Variants in SLC44A1 observed in about 807,000 individuals in gnomAD.
SLC44A1 encodes the protein solute carrier family 44 member 1, also known as choline transporter-like protein 1.
Under a neutral mutation model 79.3 loss-of-function variants are expected in SLC44A1, and 26 were observed. The observed-to-expected ratio is 0.33, with a 90% confidence interval of 0.24 to 0.46. SLC44A1 has a LOEUF of 0.46. Among genes scored for constraint, SLC44A1 ranks in the 20% least tolerant of loss-of-function variants. SLC44A1 has a pLI of 1.00. For missense variants in SLC44A1, 688 were observed against 798.1 expected, an observed-to-expected ratio of 0.86 and a Z score of 1.66; for synonymous variants, 263 against 286.2, an observed-to-expected ratio of 0.92 and a Z score of 0.82.
intron 3 of SLC44A1, among the ~76,000 whole-genome samples, chr9:105,325,775 C>T (rs530830455): frequency 6.6e-6 from 1 of 152,118 alleles, no homozygotes; most frequent in African/African-American, 2.4e-5. Flanking sequence ...AGGAGTAATT[C>T]TAATGGATAG....
intron 15 of SLC44A1, among the ~76,000 whole-genome samples, chr9:105,403,632 A>C (rs724069): frequency 6.9e-6 from 1 of 145,726 alleles, no homozygotes; most frequent in Non-Finnish European, 1.5e-5. Context: ...GAGTAAGCAG[A>C]TGATTGTAAT....
intron 12 of SLC44A1, among the ~76,000 whole-genome samples, chr9:105,372,912 T>C (rs1006000864): frequency 6.2e-5 from 9 of 145,208 alleles, no homozygotes; most frequent in Non-Finnish European, 1.0e-4. Flanking sequence ...ATCCCGCCAC[T>C]GCACTCCAGC....
chr9:105,394,347 G>T lies in SLC44A1; in HGVS notation c.*5291G>T, dbSNP rs1245494819. On this transcript the variant is annotated 3_prime_UTR_variant, in exon 16 of 16. Coordinates refer to ENST00000374720, the MANE Select transcript of SLC44A1 (RefSeq NM_080546.5). ...GAATAGAAACCACACTAATCTGAAG[G>T]AATAACAAGATGATCAACACTGAAT... 3.0e-6 allele frequency: 3 copies of T among 984,984 alleles called. No individual in the cohort carries two copies. The highest frequency in any genetic ancestry group is 3.6e-6 in the Non-Finnish European group (3 of 829,920). The allele number at this position is 984,984 out of a possible 1,614,324, so 61.0% of individuals were successfully genotyped here.
In SLC44A1 at chr9:105,391,159, A is replaced by T; in HGVS notation, c.*2103A>T. 1 of 985,742 alleles carries T rather than the reference A, an allele frequency of 1.0e-6. No individual in the cohort carries two copies. The highest frequency in any genetic ancestry group is 1.2e-6 in the Non-Finnish European group (1 of 829,908). The allele number at this position is 985,742 out of a possible 1,614,324, so 61.1% of individuals were successfully genotyped here. A position where few individuals can be genotyped will look rare whatever the true frequency, so the allele number is the denominator to read the frequency against. Reference sequence around the variant, plus strand: ...AGAGGTGTCCCTCCAAAGTGACCTGATGGAAGTCCTGAACTTGGAAATTAG... The same window carrying T: ...AGAGGTGTCCCTCCAAAGTGACCTGTTGGAAGTCCTGAACTTGGAAATTAG... On this transcript the variant is annotated 3_prime_UTR_variant, in exon 16 of 16. Coordinates refer to ENST00000374720, the MANE Select transcript of SLC44A1 (RefSeq NM_080546.5).
At chr9:105,419,487 A>C (rs2131514268) in intron 15 of SLC44A1, among the ~76,000 whole-genome samples, 1 of 152,342 alleles carries the variant, frequency 6.6e-6, no homozygotes, top group Non-Finnish European at 1.5e-5. Context: ...AGAAGGTTTG[A>C]ACATCTATAT....
chr9:105,389,729 A>G lies in SLC44A1; in HGVS notation c.*673A>G. 7.8e-7 allele frequency: 1 copy of G among 1,280,484 alleles called. No homozygotes were observed. The allele number at this position is 1,280,484 out of a possible 1,614,324, so 79.3% of individuals were successfully genotyped here. ...CCCTAACGCTTCTTTAAAAGAAAGTAGGTAAAAAAAGAAAAGGGTAGATAA... is the reference window on the plus strand; with the variant it reads ...CCCTAACGCTTCTTTAAAAGAAAGTGGGTAAAAAAAGAAAAGGGTAGATAA... On this transcript the variant is annotated 3_prime_UTR_variant, in exon 16 of 16. Transcript: ENST00000374720.
At chr9:105,294,322 C>T (rs901613454) in intron 1 of SLC44A1, among the ~76,000 whole-genome samples, 2 of 152,102 alleles carry the variant, frequency 1.3e-5, no homozygotes, top group Non-Finnish European at 2.9e-5. Flanking sequence ...TTCCTTGTGC[C>T]TGAAGAACTT....
In SLC44A1 at chr9:105,393,155, C is replaced by T. The variant is rs1000462576; in HGVS notation, c.*4099C>T. The T allele has an allele frequency of 3.0e-6, 3 of 985,286 alleles. No homozygotes were observed. Among genetic ancestry groups the T allele is most frequent in the Admixed American group, 6.1e-5 (1 of 16,262 alleles). 61.0% of individuals were successfully genotyped at this position (985,286 alleles called of 1,614,324 possible). On this transcript the variant is annotated 3_prime_UTR_variant, in exon 16 of 16. Coordinates refer to ENST00000374720, the MANE Select transcript of SLC44A1 (RefSeq NM_080546.5). ...TGTGGGTTCATAAGTAAAAGCGTAA[C>T]GCAGATATTTGTGTATTCTGTATTC...
intron 2 of SLC44A1, 55 bp downstream of exon 2, chr9:105,299,364 G>T: frequency 3.9e-6 from 5 of 1,267,596 alleles, no homozygotes; most frequent in Non-Finnish European, 4.3e-6. Flanking sequence ...AGGGAATGAC[G>T]AGTAGTTGTT....
At chr9:105,323,271 G>A (rs1290979343) in intron 3 of SLC44A1, among the ~76,000 whole-genome samples, 2 of 149,318 alleles carry the variant, frequency 1.3e-5, no homozygotes, top group African/African-American at 4.9e-5. Flanking sequence ...AGGCATGTTT[G>A]ATTATCAAAA....
chr9:105,364,768 T>C (rs754326586), intron 10 of SLC44A1, 48 bp downstream of exon 10: 1 of 1,498,964 alleles, frequency 6.7e-7, no homozygotes, highest in African/African-American at 1.4e-5. Context: ...TAAGGGATGG[T>C]GTCCGCAGGC....
chr9:105,430,981 T>G (rs1200939867), intron 15 of SLC44A1, among the ~76,000 whole-genome samples: 1 of 152,234 alleles, frequency 6.6e-6, no homozygotes, highest in Non-Finnish European at 1.5e-5. Context: ...TGAAGTTGTA[T>G]CTCAGTGTGG....
intron 1 of SLC44A1, among the ~76,000 whole-genome samples, chr9:105,298,818 C>T (rs1028580801): frequency 2.6e-5 from 4 of 151,800 alleles, no homozygotes; most frequent in Admixed American, 2.0e-4. Flanking sequence ...TTTAAAAAGC[C>T]CTCACTGAGT....
chr9:105,360,078 T>G (rs1030956162), intron 7 of SLC44A1, among the ~76,000 whole-genome samples: 1 of 152,200 alleles, frequency 6.6e-6, no homozygotes, highest in African/African-American at 2.4e-5. Flanking sequence ...GCTACCTCTC[T>G]GCCCACATCT....
intron 5 of SLC44A1, among the ~76,000 whole-genome samples, chr9:105,350,247 T>G (rs994255145): frequency 1.3e-5 from 2 of 152,124 alleles, no homozygotes; most frequent in African/African-American, 4.8e-5. Context: ...AGTTGGAAAG[T>G]AAAAGAGAAG....
At chr9:105,369,067 A>G (rs1828025727) in intron 12 of SLC44A1, among the ~76,000 whole-genome samples, 1 of 152,220 alleles carries the variant, frequency 6.6e-6, no homozygotes, top group African/African-American at 2.4e-5. Flanking sequence ...GTTGAAATTA[A>G]GATTTGCAAC....
Position 105,395,542 on chromosome 9 carries a change from C to T in SLC44A1, c.*6486C>T, listed in dbSNP as rs958429417. The stretch of plus-strand genomic sequence containing the variant: ...CCTAGAAGAGTTTTAATGAACCTTC[C>T]ACAGTAGTAAATGCAGAGACCACTG... On this transcript the variant is annotated 3_prime_UTR_variant, in exon 16 of 16. Transcript: ENST00000374720. The T allele has an allele frequency of 5.1e-6, 5 of 985,460 alleles. No individual in the cohort carries two copies. Among genetic ancestry groups the T allele is most frequent in the Non-Finnish European group, 4.8e-6 (4 of 829,976 alleles). 61.0% of individuals were successfully genotyped at this position (985,460 alleles called of 1,614,324 possible). A position where few individuals can be genotyped will look rare whatever the true frequency, so the allele number is the denominator to read the frequency against.
intron 15 of SLC44A1, among the ~76,000 whole-genome samples, chr9:105,404,015 G>A (rs565985895): frequency 1.3e-5 from 2 of 152,086 alleles, no homozygotes; most frequent in South Asian, 4.2e-4. Context: ...ACAGTGGGGA[G>A]TATGGCATGG....
chr9:105,387,573 G>A (rs892674035), intron 15 of SLC44A1, among the ~76,000 whole-genome samples: 3 of 152,054 alleles, frequency 2.0e-5, no homozygotes, highest in Non-Finnish European at 4.4e-5. Context: ...TCAGCAAATC[G>A]ATTCTAAGCC....
Sources: gnomAD v4.1 joint callset for allele counts (sites outside exome capture counted in the v4.1 genomes callset) on GRCh38, gnomAD v4.1.1 for gene constraint, MANE v1.5 for transcripts, NCBI Gene and HGNC (gene_info 2026-07-23, HGNC 2026-07-21) for gene names.